Variants in ST18 observed in about 807,000 individuals in gnomAD.
ST18 encodes suppression of tumorigenicity 18 protein.
In ST18, 50 loss-of-function variants were observed where a neutral mutation model predicts 110.0. The ratio of observed to expected loss-of-function variants is 0.45; its 90% CI spans 0.36 to 0.58. ST18 has a LOEUF of 0.58. Ranked by LOEUF, ST18 falls within the 20% of genes least tolerant of loss-of-function variation. The pLI, the probability that ST18 is intolerant of heterozygous loss-of-function variation, is 0.00. For synonymous variants in ST18, 461 were observed against 452.4 expected (o/e 1.02, Z -0.24); for missense variants, 1,306 against 1,280.1 (o/e 1.02, Z -0.31).
chr8:52,274,975 T>C (rs2095193231), intron 2 of ST18, among the ~76,000 whole-genome samples: 1 of 152,182 alleles, frequency 6.6e-6, no homozygotes, highest in Non-Finnish European at 1.5e-5. Context: ...TTAAGCCAAG[T>C]CAAAAGGCAC....
At chr8:52,211,042 A>G (rs1159074438) in intron 8 of ST18, among the ~76,000 whole-genome samples, 1 of 152,216 alleles carries the variant, frequency 6.6e-6, no homozygotes, top group South Asian at 2.1e-4. Context: ...AAGGTGAACT[A>G]AACAGTGGAT....
chr8:52,338,893 A>G (rs958990212), intron 2 of ST18, among the ~76,000 whole-genome samples: 1 of 151,770 alleles, frequency 6.6e-6, no homozygotes, highest in Admixed American at 6.6e-5. Flanking sequence ...ACAAGCTACC[A>G]AACCCAGCTA....
intron 3 of ST18, among the ~76,000 whole-genome samples, chr8:52,223,951 A>G (rs1049750985): frequency 1.3e-5 from 2 of 152,206 alleles, no homozygotes; most frequent in African/African-American, 2.4e-5. Context: ...GCTTTTTTTA[A>G]TAAGTAAACA....
rs192556609 is a variant in ST18 at position 52,267,660 on chromosome 8, T to C, written c.-464-37583A>G. 9.8e-5 allele frequency among the ~76,000 whole-genome samples: 15 copies of C among 152,286 alleles called. No homozygotes were observed. The East Asian group carries it at 2.7e-3, about 27-fold the overall frequency. ...ACAAAAAAGCACGGTGGAATAATTA[T>C]TATGCAACCTGTACTTAAGATAAGT... On this transcript the variant is annotated intron_variant, in intron 2 of 25. Coordinates refer to ENST00000689386, the MANE Select transcript of ST18 (RefSeq NM_001352837.2).
At chr8:52,134,094 G>T (rs1429484830) in intron 19 of ST18, among the ~76,000 whole-genome samples, 1 of 152,142 alleles carries the variant, frequency 6.6e-6, no homozygotes, top group Non-Finnish European at 1.5e-5. Flanking sequence ...ATAATCCATA[G>T]ATTTCAGATG....
At chr8:52,211,268 G>T (rs1214418399) in intron 8 of ST18, among the ~76,000 whole-genome samples, 1 of 152,004 alleles carries the variant, frequency 6.6e-6, no homozygotes, top group Admixed American at 6.6e-5. Context: ...CTGAGGTGTA[G>T]TAGCAGCAAT....
chr8:52,307,149 C>A (rs1210429038), intron 2 of ST18, among the ~76,000 whole-genome samples: 4 of 150,930 alleles, frequency 2.7e-5, no homozygotes, highest in African/African-American at 7.4e-5. Context: ...TGGGATCCTG[C>A]CTCTAGAAAA....
intron 19 of ST18, among the ~76,000 whole-genome samples, chr8:52,135,568 C>CAAAAAAAAAAAAAAA (rs71252929): frequency 2.6e-3 from 144 of 55,304 alleles, no homozygotes; most frequent in Middle Eastern, 8.8e-3. Context: ...AACTCCATCT[C>CAAAAAAAAAAAAAAA]AAAAAAAAAA....
chr8:52,144,577 C>T (rs770646520), intron 16 of ST18, among the ~76,000 whole-genome samples: 7 of 152,080 alleles, frequency 4.6e-5, no homozygotes, highest in Non-Finnish European at 7.4e-5. Context: ...TACACTGTCT[C>T]AAGTGACATT....
intron 2 of ST18, among the ~76,000 whole-genome samples, chr8:52,347,260 A>C (rs567124977): frequency 3.2e-4 from 48 of 152,354 alleles, no homozygotes; most frequent in African/African-American, 1.0e-3. Flanking sequence ...AAATAGCTTT[A>C]CTGTAAAAGC....
intron 2 of ST18, among the ~76,000 whole-genome samples, chr8:52,332,886 A>G (rs6996199): frequency 0.21 from 31,716 of 151,980 alleles, 4,054 homozygotes; most frequent in African/African-American, 0.37. Flanking sequence ...TATATGACCA[A>G]TGGGTCCTGC....
intron 2 of ST18, among the ~76,000 whole-genome samples, chr8:52,271,755 G>A (rs1416976435): frequency 6.6e-6 from 1 of 152,200 alleles, no homozygotes; most frequent in African/African-American, 2.4e-5. Flanking sequence ...GCTTTGTACA[G>A]TGTTTAATAC....
At chr8:52,199,191 C>T (rs535576145) in intron 8 of ST18, 8 of 151,834 alleles carry the variant, frequency 5.3e-5, no homozygotes, top group African/African-American at 1.5e-4. Context: ...CAAAGCCATC[C>T]GTGACACGGT....
intron 2 of ST18, among the ~76,000 whole-genome samples, chr8:52,350,724 C>G (rs1564551949): frequency 6.9e-6 from 1 of 144,134 alleles, no homozygotes; most frequent in Non-Finnish European, 1.5e-5. Flanking sequence ...TATATATATA[C>G]TTTTTTTTTT....
intron 6 of ST18, 102 bp from the exon 7 acceptor site, chr8:52,214,359 C>A (rs1240709875): frequency 8.0e-6 from 10 of 1,248,712 alleles, no homozygotes; most frequent in Middle Eastern, 3.9e-4. Context: ...AAAACAGTAG[C>A]CTTCCATGCT....
At chr8:52,176,783 T>G (rs1267582606) in intron 9 of ST18, among the ~76,000 whole-genome samples, 2 of 152,306 alleles carry the variant, frequency 1.3e-5, no homozygotes, top group East Asian at 3.9e-4. Flanking sequence ...TCACAACATA[T>G]TTTGAGTTTG....
At chr8:52,372,481 G>A (rs1564603702) in intron 2 of ST18, among the ~76,000 whole-genome samples, 1 of 152,208 alleles carries the variant, frequency 6.6e-6, no homozygotes, top group East Asian at 1.9e-4. Context: ...CTACAGCAGT[G>A]CACAGGAATG....
intron 2 of ST18, among the ~76,000 whole-genome samples, chr8:52,240,804 A>G (rs968975774): frequency 6.6e-6 from 1 of 152,178 alleles, no homozygotes; most frequent in Non-Finnish European, 1.5e-5. Flanking sequence ...ATGATTGCTC[A>G]GTCTTTTCCT....
chr8:52,145,945 A>T lies in ST18; in HGVS notation c.2053-2900T>A, dbSNP rs541553343. Among the ~76,000 whole-genome samples the T allele has an allele frequency of 2.6e-5, 4 of 152,342 alleles. No individual in the cohort carries two copies. The East Asian group carries it at 7.7e-4, about 29-fold the overall frequency. On this transcript the variant is annotated intron_variant, in intron 16 of 25. Transcript: ENST00000689386. ...GATTCAGGAATTTTTTTTAGGGGGC[A>T]TCTGGACAGGCTATTTCACTGAGAG... is the stretch of plus-strand genomic sequence containing the variant.
Sources: gnomAD v4.1 joint callset for allele counts (sites outside exome capture counted in the v4.1 genomes callset) on GRCh38, gnomAD v4.1.1 for gene constraint, MANE v1.5 for transcripts, NCBI Gene and HGNC (gene_info 2026-07-23, HGNC 2026-07-21) for gene names.